The following ELMO1 variants were observed in gnomAD, a reference collection of about 807,000 sequenced individuals.
ELMO1 encodes the protein engulfment and cell motility 1.
ELMO1 carries 26 observed loss-of-function variants against 98.9 expected under a neutral mutation model. The observed-to-expected ratio is 0.26, with a 90% CI of 0.19 to 0.36. The LOEUF (loss-of-function observed/expected upper bound fraction) is 0.36. Ranked by LOEUF, ELMO1 falls within the 10% of genes least tolerant of loss-of-function variation. The pLI is 1.00. For synonymous variants in ELMO1, 346 were observed against 346.0 expected (o/e 1.00, Z 0.00); for missense variants, 627 against 935.2 (o/e 0.67, Z 4.30).
intron 4 of ELMO1, among the ~76,000 whole-genome samples, chr7:37,281,064 G>A (rs1338367634): frequency 6.6e-6 from 1 of 151,192 alleles, no homozygotes; most frequent in South Asian, 2.1e-4. Context: ...CCATAAAAAG[G>A]AGTGAGTTAA....
intron 16 of ELMO1, 48 bp from the exon 17 acceptor site, chr7:36,895,065 C>T: frequency 1.2e-6 from 2 of 1,601,514 alleles, no homozygotes; most frequent in Non-Finnish European, 1.7e-6. Flanking sequence ...TGACCTTTCC[C>T]ATTCAGAAAA....
At chr7:37,214,222 CAG>C (rs1793154146) in intron 11 of ELMO1, among the ~76,000 whole-genome samples, 1 of 152,160 alleles carries the variant, frequency 6.6e-6, no homozygotes, top group African/African-American at 2.4e-5. Context: ...GCCTTTTCAA[CAG>C]AGATTCTGAC....
intron 13 of ELMO1, among the ~76,000 whole-genome samples, chr7:37,143,701 C>T (rs1563031812): frequency 7.7e-6 from 1 of 129,568 alleles, no homozygotes; most frequent in Non-Finnish European, 1.6e-5. Context: ...TGAGCCACTG[C>T]AGCCGGTCGA....
chr7:37,115,266 C>G (rs774941127), intron 14 of ELMO1, among the ~76,000 whole-genome samples: 16 of 151,908 alleles, frequency 1.1e-4, no homozygotes, highest in African/African-American at 1.5e-4. Flanking sequence ...CCAGTATTAC[C>G]CTAATACCAA....
At chr7:37,098,482 T>C (rs752781598) in intron 14 of ELMO1, among the ~76,000 whole-genome samples, 3 of 152,184 alleles carry the variant, frequency 2.0e-5, no homozygotes, top group Non-Finnish European at 4.4e-5. Flanking sequence ...TCTCGGACTA[T>C]TGAGAATCAA....
intron 16 of ELMO1, among the ~76,000 whole-genome samples, chr7:36,907,131 T>C (rs538244354): frequency 2.0e-5 from 3 of 151,958 alleles, no homozygotes; most frequent in Non-Finnish European, 2.9e-5. Flanking sequence ...CTAGATTGTA[T>C]TTCTAGAGTT....
At chr7:37,343,696 G>A (rs1214510684) in intron 1 of ELMO1, among the ~76,000 whole-genome samples, 2 of 152,082 alleles carry the variant, frequency 1.3e-5, no homozygotes, top group Non-Finnish European at 2.9e-5. Flanking sequence ...TGGCCAGGCT[G>A]GTCTTGAACT....
chr7:36,857,564 C>T (rs1043171599), intron 21 of ELMO1, among the ~76,000 whole-genome samples: 4 of 152,100 alleles, frequency 2.6e-5, no homozygotes, highest in African/African-American at 4.8e-5. Context: ...TTCTGCAGCA[C>T]GTTTCTTTTT....
intron 4 of ELMO1, among the ~76,000 whole-genome samples, chr7:37,287,745 T>C (rs1460002813): frequency 6.6e-6 from 1 of 152,180 alleles, no homozygotes; most frequent in Non-Finnish European, 1.5e-5. Context: ...CCCACTATAG[T>C]TTAGAAGACA....
At chr7:36,997,087 C>T (rs905134586) in intron 16 of ELMO1, among the ~76,000 whole-genome samples, 19 of 151,634 alleles carry the variant, frequency 1.3e-4, no homozygotes, top group Admixed American at 1.2e-3. Flanking sequence ...TTAGGAAGAC[C>T]AATTAAAAAA....
At position 37,276,536 on chromosome 7, in the gene ELMO1, G is replaced by A. The variant is rs1356175934; in HGVS notation, c.193-4654C>T. ...TGAGGCAGGAGAATGGCGTGAACCC[G>A]GGAGGCGGAGCTTGCAGTGAGCCGA... On this transcript the variant is annotated intron_variant, in intron 4 of 21. Coordinates refer to ENST00000310758, the MANE Select transcript of ELMO1 (RefSeq NM_014800.11). Among the ~76,000 whole-genome samples the A allele has an allele frequency of 3.3e-5, 5 of 152,134 alleles. No homozygotes were observed. The East Asian group carries it at 5.8e-4, about 18-fold the overall frequency.
chr7:37,005,895 C>T (rs1793091387), intron 16 of ELMO1, among the ~76,000 whole-genome samples: 1 of 152,046 alleles, frequency 6.6e-6, no homozygotes, highest in Admixed American at 6.6e-5. Flanking sequence ...GGCTCCAGGC[C>T]AGTGCTGAGC....
chr7:36,905,463 T>C (rs896642194), intron 16 of ELMO1, among the ~76,000 whole-genome samples: 5 of 152,192 alleles, frequency 3.3e-5, no homozygotes, highest in Non-Finnish European at 5.9e-5. Context: ...TACCTGAGAC[T>C]GGATGGATTT....
rs778306049 is a variant in ELMO1, at chr7:37,265,877, C to T, written c.243+5955G>A. Among the ~76,000 whole-genome samples the T allele has an allele frequency of 2.7e-4, 41 of 152,156 alleles. 1 individual carries two copies. The highest frequency in any genetic ancestry group is 7.3e-5 in the Non-Finnish European group (5 of 68,038). ...GCATCTGTCCAGGCTTCCTAGTTAA[C>T]AGCACGCAGTTAATTTTGCCAGAGC... is the stretch of plus-strand genomic sequence containing the variant. On this transcript the variant is annotated intron_variant, in intron 5 of 21. Coordinates refer to ENST00000310758, the MANE Select transcript of ELMO1 (RefSeq NM_014800.11).
chr7:37,059,556 G>A (rs1021986715), intron 15 of ELMO1, among the ~76,000 whole-genome samples: 1 of 151,756 alleles, frequency 6.6e-6, no homozygotes, highest in African/African-American at 2.4e-5. Context: ...ATCTCACAGA[G>A]CCAAAAATCA....
At chr7:36,886,859 T>G (rs1186126837) in intron 18 of ELMO1, among the ~76,000 whole-genome samples, 1 of 152,192 alleles carries the variant, frequency 6.6e-6, no homozygotes, top group African/African-American at 2.4e-5. Flanking sequence ...CCTTGAGAAA[T>G]TATGTAAGTG....
At chr7:37,427,367 T>C (rs10267165) in intron 1 of ELMO1, among the ~76,000 whole-genome samples, 75,276 of 152,074 alleles carry the variant, frequency 0.49, 19,655 homozygotes, top group African/African-American at 0.67. Context: ...GGAAAAACAC[T>C]TGCTTTAGAA....
intron 16 of ELMO1, among the ~76,000 whole-genome samples, chr7:36,906,476 T>C (rs904358744): frequency 1.3e-5 from 2 of 152,248 alleles, no homozygotes; most frequent in Non-Finnish European, 2.9e-5. Flanking sequence ...AATAAGTTGT[T>C]GATGCCTGGT....
chr7:36,951,210 A>G (rs955139011), intron 16 of ELMO1, among the ~76,000 whole-genome samples: 4 of 152,178 alleles, frequency 2.6e-5, no homozygotes, highest in African/African-American at 9.7e-5. Context: ...AATAGAGATC[A>G]TCTTAAAAGG....
Sources: gnomAD v4.1 joint callset for allele counts (sites outside exome capture counted in the v4.1 genomes callset) on GRCh38, gnomAD v4.1.1 for gene constraint, MANE v1.5 for transcripts, NCBI Gene and HGNC (gene_info 2026-07-23, HGNC 2026-07-21) for gene names.